Variants in DNAAF10 observed in about 807,000 individuals in gnomAD.
The protein encoded by DNAAF10 is WD repeat domain 92.
In DNAAF10, 28 loss-of-function variants were observed where a neutral mutation model predicts 43.7. That is an observed-to-expected ratio of 0.64 (90% confidence interval 0.48 to 0.88). DNAAF10 has a LOEUF of 0.88. Ranked by LOEUF, DNAAF10 falls within the 40% of genes least tolerant of loss-of-function variation. The pLI is 0.00. For synonymous variants in DNAAF10, 156 were observed against 157.3 expected, an observed-to-expected ratio of 0.99 and a Z score of 0.06; for missense variants, 403 against 439.1, an observed-to-expected ratio of 0.92 and a Z score of 0.73.
At chr2:68,139,085 C>A (rs1269734850) in intron 4 of DNAAF10, among the ~76,000 whole-genome samples, 1 of 152,014 alleles carries the variant, frequency 6.6e-6, no homozygotes, top group Non-Finnish European at 1.5e-5. Flanking sequence ...GGATATTTGT[C>A]CCCCCAAATC....
In DNAAF10 at chr2:68,134,722, G is replaced by C. The variant is rs758970691; in HGVS notation, c.846C>G (p.Gly282=). The part of the protein sequence containing the change: ...RELFLTAGGA[G]GLHLWKYEYP... ...CTTACTACTTCCAGAGGTGAAGGCC[G>C]CCGGCGCCTCCAGCTGTCAGAAAGA... Residue 282 remains glycine, a synonymous_variant, in exon 7 of 8, where the codon GGC becomes GGG. Coordinates refer to ENST00000295121, the MANE Select transcript of DNAAF10 (RefSeq NM_138458.4). 6.2e-7 allele frequency: 1 copy of C among 1,608,994 alleles called. No individual in the cohort carries two copies. The highest frequency in any genetic ancestry group is 1.1e-5 in the South Asian group (1 of 89,870).
intron 3 of DNAAF10, among the ~76,000 whole-genome samples, chr2:68,144,362 A>G (rs561234315): frequency 2.8e-4 from 42 of 152,346 alleles, no homozygotes; most frequent in African/African-American, 9.4e-4. Flanking sequence ...TCAACACTAA[A>G]ATAGTGTTAA....
intron 1 of DNAAF10, among the ~76,000 whole-genome samples, chr2:68,151,860 T>C (rs951927088): frequency 5.3e-5 from 8 of 152,208 alleles, no homozygotes; most frequent in Non-Finnish European, 1.5e-5. Context: ...TTCTAATATA[T>C]ACAACACTGC....
At position 68,150,533 on chromosome 2, in the gene DNAAF10, G is replaced by T. The variant is rs182901334; in HGVS notation, c.184-2966C>A. Among the ~76,000 whole-genome samples, 118 of 152,270 alleles carry T rather than the reference G, an allele frequency of 7.7e-4. No individual in the cohort carries two copies. The East Asian group carries it at 9.9e-3, about 13-fold the overall frequency. Reference sequence around the variant, plus strand: ...GGATCACCTGAGGTCAGGAGTTCAAGACCAGCCTGGCCAAAATGGTGAAAC... The same window carrying T: ...GGATCACCTGAGGTCAGGAGTTCAATACCAGCCTGGCCAAAATGGTGAAAC... On this transcript the variant is annotated intron_variant, in intron 1 of 7. Coordinates refer to ENST00000295121, the MANE Select transcript of DNAAF10 (RefSeq NM_138458.4).
chr2:68,134,345 T>C (rs1672986451), intron 7 of DNAAF10: 2 of 1,066,256 alleles, frequency 1.9e-6, no homozygotes, highest in Non-Finnish European at 2.3e-6. Context: ...TCTATCACAA[T>C]GATGTTATCT....
chr2:68,157,170 C>T, intron 1 of DNAAF10, 91 bp downstream of exon 1: 1 of 1,492,578 alleles, frequency 6.7e-7, no homozygotes, highest in Non-Finnish European at 8.9e-7. Context: ...CTTTGGGGGA[C>T]GCTGGGCGAA....
chr2:68,154,202 GA>G (rs1241214944), intron 1 of DNAAF10, among the ~76,000 whole-genome samples: 2 of 151,898 alleles, frequency 1.3e-5, no homozygotes, highest in East Asian at 3.9e-4. Context: ...ACTCATGGTA[GA>G]AAAAAAGAAT....
rs370690327 is a variant in DNAAF10, at chr2:68,146,915, T to C, written c.284+552A>G. Among the ~76,000 whole-genome samples the C allele has an allele frequency of 8.4e-4, 128 of 152,280 alleles. 4 individuals carry two copies. The South Asian group carries it at 0.026, about 31-fold the overall frequency. ...TAATTAAAAAGGAATTTCAATTCAT[T>C]CCACTCTAAATAAGAAACAACTCTA... On this transcript the variant is annotated intron_variant, in intron 2 of 7. Transcript: ENST00000295121.
At chr2:68,150,485 C>T (rs1673429368) in intron 1 of DNAAF10, among the ~76,000 whole-genome samples, 1 of 152,184 alleles carries the variant, frequency 6.6e-6, no homozygotes, top group African/African-American at 2.4e-5. Flanking sequence ...ATAATATCAG[C>T]ACTTTGGGAG....
intron 7 of DNAAF10, among the ~76,000 whole-genome samples, chr2:68,133,357 C>T (rs1184863265): frequency 6.6e-6 from 1 of 152,040 alleles, no homozygotes; most frequent in Non-Finnish European, 1.5e-5. Context: ...ATTCTCGTGC[C>T]TCAGCCTCCT....
intron 1 of DNAAF10, chr2:68,156,807 A>G: frequency 5.6e-6 from 1 of 177,432 alleles, no homozygotes; most frequent in Non-Finnish European, 1.2e-5. Flanking sequence ...ATTGAACCGT[A>G]ACCGTGTTCC....
intron 7 of DNAAF10, among the ~76,000 whole-genome samples, chr2:68,132,617 C>G (rs1672949539): frequency 6.6e-6 from 1 of 152,098 alleles, no homozygotes. Flanking sequence ...TCGTGAATAA[C>G]TAGATGATTT....
chr2:68,142,152 A>C (rs1298561721), intron 3 of DNAAF10, among the ~76,000 whole-genome samples: 1 of 152,186 alleles, frequency 6.6e-6, no homozygotes, highest in Non-Finnish European at 1.5e-5. Context: ...GTGTTGTTTT[A>C]ATTTTTACTT....
intron 4 of DNAAF10, among the ~76,000 whole-genome samples, chr2:68,141,153 T>C (rs915938132): frequency 3.3e-5 from 5 of 152,202 alleles, no homozygotes; most frequent in African/African-American, 1.2e-4. Flanking sequence ...TTAAGTAAAT[T>C]AATGAAGGAA....
intron 4 of DNAAF10, 53 bp from the exon 5 acceptor site, chr2:68,138,910 G>T (rs995391736): frequency 2.3e-6 from 3 of 1,327,614 alleles, no homozygotes; most frequent in African/African-American, 1.5e-5. Context: ...CCTTATAAAG[G>T]CTGCTTTAAA....
At chr2:68,135,591 C>A (rs1257296670) in intron 6 of DNAAF10, among the ~76,000 whole-genome samples, 1 of 152,116 alleles carries the variant, frequency 6.6e-6, no homozygotes, top group East Asian at 1.9e-4. Context: ...GAATGAATGA[C>A]TGCTGCTTTG....
In DNAAF10 at chr2:68,131,265, C is replaced by G; in HGVS notation, c.1047G>C (p.Leu349=). The change falls in exon 8 of 8, where the codon CTG becomes CTC. Residue 349 remains leucine, a synonymous_variant. Coordinates refer to ENST00000295121, the MANE Select transcript of DNAAF10 (RefSeq NM_138458.4). ...CSSFDQTVRV[L]IVTKLNKI ...AAATTTTATTGAGCTTTGTAACGATCAGTACTCTCACCGTTTGGTCAAATG... is the reference window on the plus strand; with the variant it reads ...AAATTTTATTGAGCTTTGTAACGATGAGTACTCTCACCGTTTGGTCAAATG... The G allele has an allele frequency of 6.2e-7, 1 of 1,614,028 alleles. No homozygotes were observed.
intron 2 of DNAAF10, 75 bp from the exon 3 acceptor site, chr2:68,144,790 A>G (rs1022815168): frequency 6.7e-7 from 1 of 1,500,310 alleles, no homozygotes. Flanking sequence ...AAAAAGATAT[A>G]TTATAGTTAG....
chr2:68,145,286 T>C (rs1486166875), intron 2 of DNAAF10, among the ~76,000 whole-genome samples: 1 of 151,782 alleles, frequency 6.6e-6, no homozygotes, highest in African/African-American at 2.4e-5. Context: ...CTCAGGACAG[T>C]TTTTTTCAAT....
Sources: allele counts gnomAD v4.1 joint callset (sites outside exome capture counted in the v4.1 genomes callset), GRCh38; gene constraint gnomAD v4.1.1; transcripts MANE v1.5; gene names NCBI Gene and HGNC (gene_info 2026-07-23, HGNC 2026-07-21).